The following MCM7 variants were observed in gnomAD, a reference collection of about 807,000 sequenced individuals.
MCM7 encodes the protein minichromosome maintenance complex component 7.
Under a neutral mutation model 83.5 loss-of-function variants are expected in MCM7, and 95 were observed. The observed-to-expected ratio is 1.14, with a 90% CI of 0.96 to 1.35. The LOEUF (loss-of-function observed/expected upper bound fraction) is 1.35, where lower values mean the gene tolerates loss of function less well. Ranked by LOEUF, MCM7 falls within the 40% of genes most tolerant of loss-of-function variation. MCM7 has a pLI of 0.00. For missense variants in MCM7, 1,087 were observed against 957.4 expected, an observed-to-expected ratio of 1.14 and a Z score of -1.79; for synonymous variants, 461 against 352.7, an observed-to-expected ratio of 1.31 and a Z score of -3.44.
chr7:100,092,857 A>C lies in MCM7; in HGVS notation c.*75T>G. 6.6e-7 allele frequency: 1 copy of C among 1,504,488 alleles called. No individual in the cohort carries two copies. The highest frequency in any genetic ancestry group is 2.3e-5 in the East Asian group (1 of 44,242). The allele number at this position is 1,504,488 out of a possible 1,614,324, so 93.2% of individuals were successfully genotyped here. ...AAAGAGGGGCTCCTCCTTCCCCTCA[A>C]AGGCATCACTGCCCCTTCCCAAGGG... On this transcript the variant is annotated 3_prime_UTR_variant, in exon 15 of 15. Transcript: ENST00000303887.
chr7:100,093,852 G>C, intron 13 of MCM7: 1 of 641,612 alleles, frequency 1.6e-6, no homozygotes, highest in Non-Finnish European at 3.0e-6. Flanking sequence ...CCCCAGGACT[G>C]AGGTCCAAGA....
rs759361980 is a variant in MCM7, at chr7:100,097,281, C to T, written c.1201+20G>A. ...CCTGTCTGTCACTATATTCACCTCCCGCAAAGCCCAACTACTTACTGCGAG... is the reference window on the plus strand; with the variant it reads ...CCTGTCTGTCACTATATTCACCTCCTGCAAAGCCCAACTACTTACTGCGAG... On this transcript the variant is annotated intron_variant, in intron 10 of 14. Transcript: ENST00000303887. 26 of 1,611,806 alleles carry T rather than the reference C, an allele frequency of 1.6e-5. No individual in the cohort carries two copies. Among genetic ancestry groups the T allele is most frequent in the South Asian group, 5.5e-5 (5 of 91,044 alleles).
At chr7:100,099,461 G>A in intron 3 of MCM7, 58 bp from the exon 4 acceptor site, 3 of 1,586,996 alleles carry the variant, frequency 1.9e-6, no homozygotes, top group Non-Finnish European at 8.5e-7. Context: ...GGAAAGGAGA[G>A]CACAGAGAAC....
Position 100,095,879 on chromosome 7 carries a change from G to A in MCM7, c.1490C>T (p.Pro497Leu). 6.2e-7 allele frequency: 1 copy of A among 1,613,794 alleles called. No homozygotes were observed. Among genetic ancestry groups the A allele is most frequent in the Non-Finnish European group, 8.5e-7 (1 of 1,180,006 alleles). Residue 497 changes from proline to leucine, a missense_variant, in exon 11 of 15, where the codon CCT (proline) becomes CTT (leucine). Physicochemically the swap from Pro to Leu is moderately conservative, Grantham distance 98 (BLOSUM62 -3). Transcript: ENST00000303887. ...TATGTTCTGCTCCAGGCTGCGGCGAGGGTTGTAGCGCCCGTAGGCAGGGTT... is the reference window on the plus strand; with the variant it reads ...TATGTTCTGCTCCAGGCTGCGGCGAAGGTTGTAGCGCCCGTAGGCAGGGTT... ...AANPAYGRYN[P>L]RRSLEQNIQL... is the part of the protein sequence containing the mutation.
intron 12 of MCM7, among the ~76,000 whole-genome samples, chr7:100,094,566 T>C (rs1459495212): frequency 6.6e-6 from 1 of 152,158 alleles, no homozygotes; most frequent in Admixed American, 6.5e-5. Context: ...TTATTTCCTA[T>C]TTTTTTCGGG....
At chr7:100,093,724 T>A (rs774674545) in intron 13 of MCM7, 2 of 648,690 alleles carry the variant, frequency 3.1e-6, no homozygotes, top group East Asian at 6.8e-5. Context: ...CAGATGGAGC[T>A]TGGGGAGCTC....
intron 12 of MCM7, among the ~76,000 whole-genome samples, chr7:100,094,713 G>A (rs538530015): frequency 5.9e-5 from 9 of 152,244 alleles, no homozygotes; most frequent in Non-Finnish European, 1.2e-4. Flanking sequence ...AGTAAAAACC[G>A]GAAAGAACAC....
In MCM7 at chr7:100,099,158, G is replaced by C; in HGVS notation, c.447C>G (p.Ile149Met). The change falls in exon 5 of 15, where the codon ATC becomes ATG. Residue 149 changes from isoleucine (I) to methionine (M), a missense_variant. Transcript: ENST00000303887. ...QGPSSNKPRV[I>M]REVRADSVGK... is the part of the protein sequence containing the mutation. ...CCACAGAGTCAGCCCGCACTTCCCG[G>C]ATCACACGAGGCTTGTTGCTGCTAG... is the stretch of plus-strand genomic sequence containing the variant. The C allele has an allele frequency of 6.2e-7, 1 of 1,614,094 alleles. No individual in the cohort carries two copies. Among genetic ancestry groups the C allele is most frequent in the Non-Finnish European group, 8.5e-7 (1 of 1,180,036 alleles).
At chr7:100,098,351 C>G in intron 6 of MCM7, 61 bp from the exon 7 acceptor site, 1 of 1,583,156 alleles carries the variant, frequency 6.3e-7, no homozygotes, top group Admixed American at 1.7e-5. Flanking sequence ...CCTTCCCTCC[C>G]TAGGCATCCC....
rs369480087 is a variant in MCM7, at chr7:100,094,346, G to T, written c.1680-5C>A. 2 of 1,613,860 alleles carry T rather than the reference G, an allele frequency of 1.2e-6. No homozygotes were observed. Among genetic ancestry groups the T allele is most frequent in the East Asian group, 2.2e-5 (1 of 44,890 alleles). ...CGGCACATGGCTATGTAACGCCTGT[G>T]GGGGAAGGTTCATGGGGAAGCAGAA... On this transcript the variant is annotated splice_polypyrimidine_tract_variant and splice_region_variant and intron_variant, in intron 12 of 14. Coordinates refer to ENST00000303887, the MANE Select transcript of MCM7 (RefSeq NM_005916.5).
rs2261360 is a variant in MCM7 at position 100,095,370 on chromosome 7, G to A, written c.1679+17C>T. On this transcript the variant is annotated intron_variant, in intron 12 of 14. Transcript: ENST00000303887. ...GGCCCACGCCAACGTTTGCCCACCCGCACCCAGCTCTCCTACCTCATGAGC... is the reference window on the plus strand; with the variant it reads ...GGCCCACGCCAACGTTTGCCCACCCACACCCAGCTCTCCTACCTCATGAGC... 7 of 1,606,176 alleles carry A rather than the reference G, an allele frequency of 4.4e-6. No homozygotes were observed. The highest frequency in any genetic ancestry group is 2.2e-5 in the South Asian group (2 of 89,784).
chr7:100,100,557 C>G (rs1006981955), intron 1 of MCM7: 2 of 992,210 alleles, frequency 2.0e-6, no homozygotes, highest in Non-Finnish European at 2.4e-6. Context: ...GGCCCGGATT[C>G]CAGCCGCTTC....
chr7:100,099,728 A>C lies in MCM7; in HGVS notation c.137T>G (p.Val46Gly), dbSNP rs746378111. 1.2e-6 allele frequency: 2 copies of C among 1,614,092 alleles called. No individual in the cohort carries two copies. Among genetic ancestry groups the C allele is most frequent in the Non-Finnish European group, 1.7e-6 (2 of 1,180,020 alleles). ...GTCGTCCAGGTCCACATACAGAGCC[A>C]CCTGTTCCCGATGAGCCAGCCGAAC... Reference protein sequence around the residue: ...QLVRLAHREQVALYVDLDDVA... With the variant: ...QLVRLAHREQGALYVDLDDVA... The change falls in exon 3 of 15, where the codon GTG becomes GGG. Residue 46 changes from valine to glycine, a missense_variant. Val to Gly is a moderately radical substitution (Grantham distance 109). Transcript: ENST00000303887.
intron 1 of MCM7, 191 bp from the exon 2 acceptor site, chr7:100,100,284 G>A (rs1322898466): frequency 2.9e-6 from 4 of 1,363,960 alleles, no homozygotes; most frequent in Non-Finnish European, 3.8e-6. Flanking sequence ...TAAAGAGCCC[G>A]TGGCAGTGCA....
At position 100,098,420 on chromosome 7, in the gene MCM7, C is replaced by T. The variant is rs749659142; in HGVS notation, c.721-130G>A. On this transcript the variant is annotated intron_variant, in intron 6 of 14. Coordinates refer to ENST00000303887, the MANE Select transcript of MCM7 (RefSeq NM_005916.5). The stretch of plus-strand genomic sequence containing the variant: ...AAGCCCACAGCAGGGGTGCTGAGAC[C>T]TCCTTTCCCCTTCCCAAGGCTCCCA... 2.5e-5 allele frequency: 37 copies of T among 1,477,948 alleles called. 1 individual carries two copies. The East Asian group carries it at 4.3e-4, about 17-fold the overall frequency. 91.6% of individuals were successfully genotyped at this position (1,477,948 alleles called of 1,614,324 possible).
chr7:100,100,632 C>T, intron 1 of MCM7: 1 of 990,512 alleles, frequency 1.0e-6, no homozygotes. Flanking sequence ...CACCCAGAGA[C>T]ACCGCGATCC....
Position 100,095,394 on chromosome 7 carries a change from G to A in MCM7, c.1672C>T (p.Leu558Phe), listed in dbSNP as rs936469497. The A allele has an allele frequency of 1.9e-6, 3 of 1,613,066 alleles. No individual in the cohort carries two copies. Among genetic ancestry groups the A allele is most frequent in the Non-Finnish European group, 2.5e-6 (3 of 1,179,702 alleles). The change falls in exon 12 of 15, where the codon CTC (leucine) becomes TTC (phenylalanine). Residue 558 changes from leucine to phenylalanine, a missense_variant. Leu to Phe is a conservative substitution (Grantham distance 22). Coordinates refer to ENST00000303887, the MANE Select transcript of MCM7 (RefSeq NM_005916.5). ...PSQFEPLDMK[L>F]MRRYIAMCRE... ...CGCACCCAGCTCTCCTACCTCATGAGCTTCATGTCCAGAGGTTCAAACTGG... is the reference window on the plus strand; with the variant it reads ...CGCACCCAGCTCTCCTACCTCATGAACTTCATGTCCAGAGGTTCAAACTGG...
Position 100,094,291 on chromosome 7 carries a change from A to G in MCM7, c.1730T>C (p.Leu577Pro). ...REKQPMVPES[L>P]ADYITAAYVE... Reference sequence around the variant, plus strand: ...GTATGCTGCTGTGATGTAGTCAGCCAGAGACTCTGGCACCATGGGCTGCTT... The same window carrying G: ...GTATGCTGCTGTGATGTAGTCAGCCGGAGACTCTGGCACCATGGGCTGCTT... The change falls in exon 13 of 15, where the codon CTG becomes CCG. Residue 577 changes from leucine (L) to proline (P), a missense_variant. Leu to Pro is a moderately conservative substitution (Grantham distance 98, BLOSUM62 -3). Coordinates refer to ENST00000303887, the MANE Select transcript of MCM7 (RefSeq NM_005916.5). The G allele has an allele frequency of 6.2e-7, 1 of 1,614,192 alleles. No individual in the cohort carries two copies.
At chr7:100,098,996 C>T (rs548724616) in intron 5 of MCM7, 27 bp downstream of exon 5, 3 of 1,612,944 alleles carry the variant, frequency 1.9e-6, no homozygotes, top group East Asian at 2.2e-5. Flanking sequence ...TGGGTAAGTG[C>T]TTTCCTGCTT....
Sources: gnomAD v4.1 joint callset for allele counts (sites outside exome capture counted in the v4.1 genomes callset) on GRCh38, gnomAD v4.1.1 for gene constraint, MANE v1.5 for transcripts, NCBI Gene and HGNC (gene_info 2026-07-23, HGNC 2026-07-21) for gene names.